Variants in CLCN4 observed in about 807,000 individuals in gnomAD.
CLCN4 encodes Cl-/H+ antiporter 4.
CLCN4 carries 1 observed loss-of-function variant against 41.7 expected under a neutral mutation model. The observed-to-expected ratio is 0.02, with a 90% CI of 0.01 to 0.11. The LOEUF (loss-of-function observed/expected upper bound fraction) is 0.11. CLCN4 is among the 10% of genes least tolerant of loss of function. The probability of loss-of-function intolerance (pLI) is 1.00; values close to 1 mark genes in which losing one functional copy is unlikely to be tolerated. For synonymous variants in CLCN4, 277 were observed against 285.8 expected (o/e 0.97, Z 0.31); for missense variants, 287 against 661.0 (o/e 0.43, Z 6.20).
intron 2 of CLCN4, among the ~76,000 whole-genome samples, chrX:10,171,962 G>C (rs2147160671): frequency 8.9e-6 from 1 of 112,053 alleles, no homozygotes; most frequent in Non-Finnish European, 1.9e-5. Context: ...AGAGAAAGCA[G>C]GCATTCAGCA....
In CLCN4 at chrX:10,205,248, C is replaced by T. The variant is rs184863433; in HGVS notation, c.556-1110C>T. On this transcript the variant is annotated intron_variant, in intron 6 of 12. Coordinates refer to ENST00000380833, the MANE Select transcript of CLCN4 (RefSeq NM_001830.4). Reference sequence around the variant, plus strand: ...CAGCACTTTGGGAGGCCAAGGCGGGCGGATCACAAGATCAGGAGATGGAGT... The same window carrying T: ...CAGCACTTTGGGAGGCCAAGGCGGGTGGATCACAAGATCAGGAGATGGAGT... 9.0e-5 allele frequency among the ~76,000 whole-genome samples: 10 copies of T among 110,938 alleles called. No homozygotes were observed. The East Asian group carries it at 1.4e-3, about 16-fold the overall frequency.
At chrX:10,197,069 G>T (rs1367229412) in intron 5 of CLCN4, among the ~76,000 whole-genome samples, 1 of 111,793 alleles carries the variant, frequency 8.9e-6, no homozygotes, top group Non-Finnish European at 1.9e-5. Context: ...ACTTGTAGGT[G>T]ACCTCTCTTT....
At chrX:10,204,363 C>T (rs1310068120) in intron 6 of CLCN4, among the ~76,000 whole-genome samples, 5 of 112,084 alleles carry the variant, frequency 4.5e-5, no homozygotes, top group Admixed American at 9.5e-5. Context: ...ATGATGGATT[C>T]AAACATCTTT....
chrX:10,191,692 ATTTTTTTTTTTT>A (rs760315418), intron 4 of CLCN4, among the ~76,000 whole-genome samples: 6 of 49,770 alleles, frequency 1.2e-4, no homozygotes, highest in Admixed American at 3.5e-4. Context: ...TATCTGGTTA[ATTTTTTTTTTTT>A]TTTTTTTTTT....
intron 12 of CLCN4, among the ~76,000 whole-genome samples, chrX:10,232,600 CCTT>C (rs989299880): frequency 1.8e-5 from 2 of 111,935 alleles, no homozygotes; most frequent in African/African-American, 6.5e-5. Context: ...GTTCACTTCT[CCTT>C]CTCTCAGACC....
chrX:10,157,579 C>T (rs768710000), intron 1 of CLCN4, among the ~76,000 whole-genome samples: 2 of 112,792 alleles, frequency 1.8e-5, no homozygotes, highest in African/African-American at 3.2e-5. Flanking sequence ...GTTTGAAATA[C>T]GCTATTTCAA....
chrX:10,158,274 A>G lies in CLCN4; in HGVS notation c.-274-15A>G, dbSNP rs1369402387. 22 of 289,827 alleles carry G rather than the reference A, an allele frequency of 7.6e-5. No homozygotes were observed. Among genetic ancestry groups the G allele is most frequent in the Non-Finnish European group, 1.2e-4 (20 of 166,094 alleles). The allele number at this position is 289,827 out of a possible 1,213,427, so 23.9% of individuals were successfully genotyped here. A position where few individuals can be genotyped will look rare whatever the true frequency, so the allele number is the denominator to read the frequency against. On this transcript the variant is annotated splice_polypyrimidine_tract_variant and intron_variant, in intron 1 of 12. Coordinates refer to ENST00000380833, the MANE Select transcript of CLCN4 (RefSeq NM_001830.4). ...TCTCCTCCTGTGTGTTGTTTTTCAT[A>G]ATTCTTCGCGAAAGGCCAGGCAAGC... is the stretch of plus-strand genomic sequence containing the variant.
chrX:10,198,103 G>A (rs1184620842), intron 6 of CLCN4, 42 bp downstream of exon 6: 1 of 1,177,384 alleles, frequency 8.5e-7, no homozygotes, highest in Non-Finnish European at 1.2e-6. Context: ...AATAAGAATA[G>A]CAAATTCTTC....
intron 6 of CLCN4, among the ~76,000 whole-genome samples, chrX:10,199,553 G>A (rs986358201): frequency 1.8e-5 from 2 of 111,067 alleles, no homozygotes; most frequent in Non-Finnish European, 3.8e-5. Context: ...TGGCATATGT[G>A]TGAACCGGTA....
chrX:10,204,649 T>TTTTTTTTA (rs1924330123), intron 6 of CLCN4, among the ~76,000 whole-genome samples: 1 of 88,498 alleles, frequency 1.1e-5, no homozygotes, highest in Non-Finnish European at 2.1e-5. Flanking sequence ...TTTTTTTTTT[T>TTTTTTTTA]ACATACTACT....
At chrX:10,179,247 C>T (rs5933815) in intron 2 of CLCN4, among the ~76,000 whole-genome samples, 37,894 of 110,116 alleles carry the variant, frequency 0.34, 5,129 homozygotes, top group African/African-American at 0.5. Flanking sequence ...TGAAAGGGGC[C>T]GGTGCTGTTT....
At chrX:10,181,381 A>C (rs1211155879) in intron 2 of CLCN4, among the ~76,000 whole-genome samples, 1 of 107,531 alleles carries the variant, frequency 9.3e-6, no homozygotes, top group Admixed American at 9.7e-5. Flanking sequence ...AAAGAAAGAA[A>C]AAGAAAAGAA....
intron 11 of CLCN4, among the ~76,000 whole-genome samples, chrX:10,217,569 T>C (rs908878984): frequency 3.6e-5 from 4 of 112,007 alleles, no homozygotes; most frequent in Non-Finnish European, 7.5e-5. Flanking sequence ...AATAGCCTAA[T>C]GAATATGTGA....
intron 12 of CLCN4, among the ~76,000 whole-genome samples, chrX:10,227,644 A>G (rs1490804723): frequency 9.0e-6 from 1 of 111,518 alleles, no homozygotes; most frequent in Non-Finnish European, 1.9e-5. Context: ...AAGAAACCCC[A>G]CACCCCTTAG....
rs770948775 is a variant in CLCN4, at chrX:10,165,474, G to A, written c.-12+6923G>A. On this transcript the variant is annotated intron_variant, in intron 2 of 12. Transcript: ENST00000380833. ...TCTTTCCATCTGAGGCAGTTGGGGC[G>A]CCCAGGATGGGTTTGGGGTTTGCTG... 4.5e-5 allele frequency among the ~76,000 whole-genome samples: 5 copies of A among 111,808 alleles called. No homozygotes were observed. The South Asian group carries it at 1.5e-3, about 34-fold the overall frequency.
Position 10,234,341 on chromosome X carries a change from A to G in CLCN4, c.*757A>G, listed in dbSNP as rs955083159. ...TGTCTCCTCCCATACAAAGGGACAC[A>G]TCCTTATTTTGAGGGTATACTCACC... On this transcript the variant is annotated 3_prime_UTR_variant, in exon 13 of 13. Coordinates refer to ENST00000380833, the MANE Select transcript of CLCN4 (RefSeq NM_001830.4). 1 of 112,883 alleles carries G rather than the reference A, an allele frequency of 8.9e-6. No homozygotes were observed. The highest frequency in any genetic ancestry group is 1.9e-5 in the Non-Finnish European group (1 of 53,307). The allele number at this position is 112,883 out of a possible 1,213,427, so 9.3% of individuals were successfully genotyped here.
Position 10,213,596 on chromosome X carries a change from A to C in CLCN4, c.1577-85A>C, listed in dbSNP as rs1404667557. On this transcript the variant is annotated intron_variant, in intron 10 of 12. Coordinates refer to ENST00000380833, the MANE Select transcript of CLCN4 (RefSeq NM_001830.4). ...TGGAACAGGTGTGAGGGGAATTTACAGCCTGTCTGTCATTTTCCCCAAATC... is the reference window on the plus strand; with the variant it reads ...TGGAACAGGTGTGAGGGGAATTTACCGCCTGTCTGTCATTTTCCCCAAATC... 3 of 884,352 alleles carry C rather than the reference A, an allele frequency of 3.4e-6. No homozygotes were observed. In the East Asian group the frequency reaches 9.3e-5, roughly 28 times the overall value. 72.9% of individuals were successfully genotyped at this position (884,352 alleles called of 1,213,427 possible).
At chrX:10,165,894 C>G (rs1483580277) in intron 2 of CLCN4, among the ~76,000 whole-genome samples, 1 of 111,901 alleles carries the variant, frequency 8.9e-6, no homozygotes, top group African/African-American at 3.3e-5. Context: ...CTCTCTTCAC[C>G]GTGGCGTCCC....
chrX:10,175,419 A>G (rs971595935), intron 2 of CLCN4, among the ~76,000 whole-genome samples: 3 of 111,564 alleles, frequency 2.7e-5, no homozygotes, highest in Non-Finnish European at 3.8e-5. Flanking sequence ...CTCTGAGACT[A>G]GGGGCTCCCA....
Sources: allele counts gnomAD v4.1 joint callset (sites outside exome capture counted in the v4.1 genomes callset), GRCh38; gene constraint gnomAD v4.1.1; transcripts MANE v1.5; gene names NCBI Gene and HGNC (gene_info 2026-07-23, HGNC 2026-07-21).